Variants in CACUL1 observed in about 807,000 individuals in gnomAD.
CACUL1 encodes the protein CDK2-associated and cullin domain-containing protein 1.
In CACUL1, 13 loss-of-function variants were observed where a neutral mutation model predicts 45.2. That is an observed-to-expected ratio of 0.29 (90% CI 0.19 to 0.46). The LOEUF is 0.46. Ranked by LOEUF, CACUL1 falls within the 20% of genes least tolerant of loss-of-function variation. CACUL1 has a pLI of 1.00. For synonymous variants in CACUL1, 197 were observed against 174.2 expected, an observed-to-expected ratio of 1.13 and a Z score of -1.03; for missense variants, 421 against 471.4, an observed-to-expected ratio of 0.89 and a Z score of 0.99.
At chr10:118,699,260 T>C (rs1265254780) in intron 5 of CACUL1, among the ~76,000 whole-genome samples, 1 of 152,236 alleles carries the variant, frequency 6.6e-6, no homozygotes, top group Non-Finnish European at 1.5e-5. Flanking sequence ...AATAAGTATC[T>C]GATAAACTCA....
rs1845103825 is a variant in CACUL1, at chr10:118,676,890, CGGCATTAAAG to C, written c.*9228_*9237del. ...CACACACACTGGGGTGTGCACACTA[CGGCATTAAAG>C]GCAGGTGAGTGAGTTTAATAGGGTT... On this transcript the variant is annotated 3_prime_UTR_variant, in exon 9 of 9. Transcript: ENST00000369151. 2 of 151,552 alleles carry C rather than the reference CGGCATTAAAG, an allele frequency of 1.3e-5. No homozygotes were observed. Among genetic ancestry groups the C allele is most frequent in the Admixed American group, 1.3e-4 (2 of 15,224 alleles). 9.4% of individuals were successfully genotyped at this position (151,552 alleles called of 1,614,324 possible).
intron 8 of CACUL1, 146 bp from the exon 9 acceptor site, chr10:118,686,314 G>A: frequency 1.4e-6 from 1 of 715,746 alleles, no homozygotes; most frequent in South Asian, 1.8e-5. Context: ...CATGTGGGGT[G>A]GAGGGAAGTA....
chr10:118,746,218 A>T (rs1845842083), intron 1 of CACUL1, among the ~76,000 whole-genome samples: 1 of 152,072 alleles, frequency 6.6e-6, no homozygotes, highest in South Asian at 2.1e-4. Flanking sequence ...ACATTCCATC[A>T]TGATAAACAG....
chr10:118,696,409 GAGGCAGGTGGAACACA>G (rs1845323512), intron 5 of CACUL1, among the ~76,000 whole-genome samples: 1 of 152,228 alleles, frequency 6.6e-6, no homozygotes, highest in South Asian at 2.1e-4. Flanking sequence ...TTGGGAGGCT[GAGGCAGGTGGAACACA>G]AGGTCAGGAG....
intron 1 of CACUL1, among the ~76,000 whole-genome samples, chr10:118,733,111 A>G (rs538950151): frequency 6.6e-6 from 1 of 152,326 alleles, no homozygotes; most frequent in African/African-American, 2.4e-5. Flanking sequence ...CTACTTCTCA[A>G]GCACAGGCTT....
intron 1 of CACUL1, among the ~76,000 whole-genome samples, chr10:118,730,844 G>A (rs546601736): frequency 4.6e-5 from 7 of 152,274 alleles, no homozygotes; most frequent in Admixed American, 1.3e-4. Flanking sequence ...AGACATCCTC[G>A]AGGAAATGTG....
intron 6 of CACUL1, chr10:118,691,634 G>A (rs570208569): frequency 6.0e-5 from 22 of 366,986 alleles, no homozygotes; most frequent in African/African-American, 1.5e-4. Flanking sequence ...TTGGGAGGCC[G>A]AGGCAGGTGG....
rs1326888959 is a variant in CACUL1 at position 118,676,951 on chromosome 10, G to C, written c.*9177C>G. 1 of 151,578 alleles carries C rather than the reference G, an allele frequency of 6.6e-6. No individual in the cohort carries two copies. Among genetic ancestry groups the C allele is most frequent in the Non-Finnish European group, 1.5e-5 (1 of 67,914 alleles). The allele number at this position is 151,578 out of a possible 1,614,324, so 9.4% of individuals were successfully genotyped here. A position where few individuals can be genotyped will look rare whatever the true frequency, so the allele number is the denominator to read the frequency against. On this transcript the variant is annotated 3_prime_UTR_variant, in exon 9 of 9. Coordinates refer to ENST00000369151, the MANE Select transcript of CACUL1 (RefSeq NM_153810.5). ...TTCGGTTTCATTGCTTGTATTCTTAGAAAAAACTTCTCCAATCCCAAGAAA... is the reference window on the plus strand; with the variant it reads ...TTCGGTTTCATTGCTTGTATTCTTACAAAAAACTTCTCCAATCCCAAGAAA...
chr10:118,701,446 T>A, intron 4 of CACUL1, 38 bp from the exon 5 acceptor site: 1 of 1,205,974 alleles, frequency 8.3e-7, no homozygotes, highest in Non-Finnish European at 1.2e-6. Context: ...GTGTATTAAT[T>A]GGGGAAATGA....
chr10:118,715,080 C>A (rs1177742621), intron 3 of CACUL1, among the ~76,000 whole-genome samples: 1 of 152,028 alleles, frequency 6.6e-6, no homozygotes, highest in Non-Finnish European at 1.5e-5. Context: ...ATGTTATAGA[C>A]AATAATTTCA....
rs575710978 is a variant in CACUL1 at position 118,744,945 on chromosome 10, C to T, written c.367+9451G>A. Among the ~76,000 whole-genome samples the T allele has an allele frequency of 8.5e-5, 13 of 152,126 alleles. No individual in the cohort carries two copies. In the East Asian group the frequency reaches 9.6e-4, roughly 11 times the overall value. On this transcript the variant is annotated intron_variant, in intron 1 of 8. Coordinates refer to ENST00000369151, the MANE Select transcript of CACUL1 (RefSeq NM_153810.5). ...CTGGGATTACAGGCATGAGCCACCG[C>T]GCCCGGCTCATTCCAACTTTTAAAA...
At chr10:118,736,297 G>A (rs1043571558) in intron 1 of CACUL1, among the ~76,000 whole-genome samples, 1 of 152,092 alleles carries the variant, frequency 6.6e-6, no homozygotes, top group Admixed American at 6.5e-5. Context: ...TAAGCTAAGA[G>A]TTATTACAGA....
chr10:118,728,586 C>T (rs1449150346), intron 3 of CACUL1, among the ~76,000 whole-genome samples: 2 of 152,178 alleles, frequency 1.3e-5, no homozygotes, highest in Non-Finnish European at 2.9e-5. Context: ...TCTAGACATT[C>T]TTCTACTTCT....
At chr10:118,743,231 G>C (rs1845808029) in intron 1 of CACUL1, among the ~76,000 whole-genome samples, 1 of 152,062 alleles carries the variant, frequency 6.6e-6, no homozygotes, top group South Asian at 2.1e-4. Context: ...CAGAACCTCA[G>C]TGACTCATGG....
At chr10:118,724,274 A>G (rs1845630271) in intron 3 of CACUL1, among the ~76,000 whole-genome samples, 1 of 152,160 alleles carries the variant, frequency 6.6e-6, no homozygotes, top group Non-Finnish European at 1.5e-5. Context: ...TAAATAGGTG[A>G]CCCCAGTAGA....
intron 5 of CACUL1, among the ~76,000 whole-genome samples, chr10:118,700,674 A>T (rs1040492735): frequency 6.8e-6 from 1 of 146,444 alleles, no homozygotes; most frequent in Non-Finnish European, 1.5e-5. Context: ...CCGAGATCAC[A>T]CCACTGCACT....
intron 1 of CACUL1, among the ~76,000 whole-genome samples, chr10:118,743,095 C>T (rs1845807063): frequency 6.6e-6 from 1 of 151,808 alleles, no homozygotes; most frequent in South Asian, 2.1e-4. Context: ...GATTTAAGAG[C>T]AGGATTAACA....
chr10:118,709,814 A>G (rs1845467264), intron 3 of CACUL1, among the ~76,000 whole-genome samples: 1 of 152,232 alleles, frequency 6.6e-6, no homozygotes, highest in Non-Finnish European at 1.5e-5. Flanking sequence ...ATATATATGT[A>G]AAGAATTGTC....
chr10:118,721,643 C>T lies in CACUL1; in HGVS notation c.597+7652G>A, dbSNP rs1925941. Among the ~76,000 whole-genome samples the T allele has an allele frequency of 4.7e-4, 71 of 152,214 alleles. 1 individual carries two copies. The South Asian group carries it at 0.015, about 31-fold the overall frequency. On this transcript the variant is annotated intron_variant, in intron 3 of 8. Coordinates refer to ENST00000369151, the MANE Select transcript of CACUL1 (RefSeq NM_153810.5). ...GGTTAGTAATATCGGCGCTAATCTTCCCACTTGAATGTTACTGTCCTGACC... is the reference window on the plus strand; with the variant it reads ...GGTTAGTAATATCGGCGCTAATCTTTCCACTTGAATGTTACTGTCCTGACC...
Sources: allele counts gnomAD v4.1 joint callset (sites outside exome capture counted in the v4.1 genomes callset), GRCh38; gene constraint gnomAD v4.1.1; transcripts MANE v1.5; gene names NCBI Gene and HGNC (gene_info 2026-07-23, HGNC 2026-07-21).